Variants in NTM observed in about 807,000 individuals in gnomAD.
NTM encodes IgLON family member 2.
A neutral mutation model predicts 42.1 loss-of-function variants in NTM; 13 were observed. The observed-to-expected ratio is 0.31, with a 90% CI of 0.20 to 0.49. The LOEUF is 0.49. Among genes scored for constraint, NTM ranks in the 20% least tolerant of loss-of-function variants. The pLI is 0.99. For synonymous variants in NTM, 187 were observed against 179.2 expected (o/e 1.04, Z -0.35); for missense variants, 373 against 452.8 (o/e 0.82, Z 1.60).
chr11:131,816,964 A>G (rs2092978824), intron 1 of NTM, among the ~76,000 whole-genome samples: 1 of 152,140 alleles, frequency 6.6e-6, no homozygotes, highest in Non-Finnish European at 1.5e-5. Flanking sequence ...TATTTTACTT[A>G]ATCTTCCCTG....
chr11:131,484,909 A>C (rs1953997773), intron 1 of NTM, among the ~76,000 whole-genome samples: 1 of 152,228 alleles, frequency 6.6e-6, no homozygotes, highest in Non-Finnish European at 1.5e-5. Context: ...TTGAAATCAG[A>C]GAGATCTGAA....
At position 132,048,927 on chromosome 11, in the gene NTM, T is replaced by C. The variant is rs554362491; in HGVS notation, c.168-97355T>C. The stretch of plus-strand genomic sequence containing the variant: ...ATCGGGGCTTCTGAAGAGTCGGCCC[T>C]TACCCTGTAGGAGATTCAAGGCTGA... On this transcript the variant is annotated intron_variant, in intron 2 of 8. Transcript: ENST00000683400. 4.0e-5 allele frequency among the ~76,000 whole-genome samples: 6 copies of C among 151,810 alleles called. No homozygotes were observed. In the East Asian group the frequency reaches 1.2e-3, roughly 30 times the overall value.
chr11:131,434,270 T>C (rs982781272), intron 1 of NTM, among the ~76,000 whole-genome samples: 9 of 152,220 alleles, frequency 5.9e-5, no homozygotes, highest in Non-Finnish European at 1.2e-4. Context: ...GTCTTTATAC[T>C]AGCATGATTT....
chr11:132,127,541 T>C (rs2066046262), intron 2 of NTM, among the ~76,000 whole-genome samples: 1 of 152,202 alleles, frequency 6.6e-6, no homozygotes, highest in Non-Finnish European at 1.5e-5. Context: ...AATGACTTTC[T>C]ATTTTGTTTT....
intron 1 of NTM, among the ~76,000 whole-genome samples, chr11:131,608,133 G>A (rs2061150438): frequency 6.6e-6 from 1 of 152,146 alleles, no homozygotes; most frequent in African/African-American, 2.4e-5. Flanking sequence ...ACCTATGAGT[G>A]AGAACATGCA....
intron 4 of NTM, among the ~76,000 whole-genome samples, chr11:132,228,868 G>T (rs968661039): frequency 4.6e-5 from 7 of 152,132 alleles, no homozygotes; most frequent in African/African-American, 1.7e-4. Context: ...TGCTCATGTT[G>T]TCATGGTTAT....
rs142817071 is a variant in NTM, at chr11:132,282,976, C to CTTTT, written c.527-24691_527-24688dup. Among the ~76,000 whole-genome samples the CTTTT allele has an allele frequency of 1.4e-3, 157 of 108,926 alleles. 4 individuals carry two copies. The highest frequency in any genetic ancestry group is 2.5e-3 in the African/African-American group (73 of 28,720). 71.5% of individuals were successfully genotyped at this position (108,926 alleles called of 152,430 possible). ...AATGAAACGGGAAATTCCTTTATTC[C>CTTTT]TTTTTTTTTTTTTTTTTTTTTTTTT... is the stretch of plus-strand genomic sequence containing the variant. On this transcript the variant is annotated intron_variant, in intron 4 of 8. Transcript: ENST00000683400.
Position 131,473,055 on chromosome 11 carries a change from G to A in NTM, c.82+102167G>A, listed in dbSNP as rs574486256. Among the ~76,000 whole-genome samples, 12 of 152,238 alleles carry A rather than the reference G, an allele frequency of 7.9e-5. No homozygotes were observed. The East Asian group carries it at 2.3e-3, about 29-fold the overall frequency. On this transcript the variant is annotated intron_variant, in intron 1 of 8. Transcript: ENST00000683400. ...GAAAATAATAGCCAATATTTCCAGG[G>A]TGGTTACTATTTTCTAGGCTTTGTT... is the stretch of plus-strand genomic sequence containing the variant.
chr11:131,561,737 C>T (rs185536270), intron 1 of NTM, among the ~76,000 whole-genome samples: 132 of 152,300 alleles, frequency 8.7e-4, no homozygotes, highest in Non-Finnish European at 1.5e-3. Flanking sequence ...ACTGCATTGC[C>T]CCACACTTTC....
At chr11:131,656,694 C>T (rs1422519745) in intron 1 of NTM, among the ~76,000 whole-genome samples, 1 of 152,186 alleles carries the variant, frequency 6.6e-6, no homozygotes, top group East Asian at 1.9e-4. Context: ...GGAAGGGGCA[C>T]TACCTCGTTC....
At chr11:132,214,811 G>T (rs1402673998) in intron 4 of NTM, among the ~76,000 whole-genome samples, 1 of 152,200 alleles carries the variant, frequency 6.6e-6, no homozygotes, top group African/African-American at 2.4e-5. Flanking sequence ...AGAAGATGGA[G>T]CAAGGAAAGA....
intron 1 of NTM, among the ~76,000 whole-genome samples, chr11:131,510,118 G>A (rs1215355637): frequency 3.3e-5 from 5 of 152,168 alleles, no homozygotes; most frequent in African/African-American, 1.2e-4. Flanking sequence ...GCCATCATCA[G>A]GTTGAAATTT....
intron 1 of NTM, among the ~76,000 whole-genome samples, chr11:131,500,010 G>T (rs140080415): frequency 6.6e-6 from 1 of 152,230 alleles, no homozygotes; most frequent in Non-Finnish European, 1.5e-5. Flanking sequence ...CACTGCAAAT[G>T]CTGGGTGCAG....
intron 1 of NTM, chr11:131,910,754 G>A (rs1333919832): frequency 3.5e-6 from 3 of 854,020 alleles, no homozygotes; most frequent in East Asian, 1.2e-4. Flanking sequence ...CGCTCCCGCC[G>A]CCCGGCCTCT....
chr11:132,090,024 A>C (rs1016447329), intron 2 of NTM, among the ~76,000 whole-genome samples: 2 of 152,142 alleles, frequency 1.3e-5, no homozygotes, highest in East Asian at 3.9e-4. Flanking sequence ...GATGCTTTGT[A>C]TATATTGTTT....
At chr11:131,584,636 A>G (rs991410505) in intron 1 of NTM, among the ~76,000 whole-genome samples, 2 of 152,258 alleles carry the variant, frequency 1.3e-5, no homozygotes, top group Non-Finnish European at 2.9e-5. Flanking sequence ...TATTTGAAAA[A>G]TGATGTAAAT....
chr11:131,549,887 T>C (rs896216013), intron 1 of NTM, among the ~76,000 whole-genome samples: 18 of 152,190 alleles, frequency 1.2e-4, no homozygotes, highest in African/African-American at 4.3e-4. Context: ...CAAACCACGA[T>C]TCGAGGTGAT....
intron 2 of NTM, among the ~76,000 whole-genome samples, chr11:132,117,667 G>C (rs1258414714): frequency 6.6e-6 from 1 of 152,098 alleles, no homozygotes; most frequent in Non-Finnish European, 1.5e-5. Context: ...GTCCACACAG[G>C]AATTTATTGG....
intron 7 of NTM, among the ~76,000 whole-genome samples, chr11:132,327,371 G>A (rs997976145): frequency 6.6e-6 from 1 of 152,160 alleles, no homozygotes; most frequent in South Asian, 2.1e-4. Flanking sequence ...ATTAAAGAAT[G>A]GGGACTAAAG....
Sources: allele counts gnomAD v4.1 joint callset (sites outside exome capture counted in the v4.1 genomes callset), GRCh38; gene constraint gnomAD v4.1.1; transcripts MANE v1.5; gene names NCBI Gene and HGNC (gene_info 2026-07-23, HGNC 2026-07-21).